Variants in SND1 observed in about 807,000 individuals in gnomAD.
The protein encoded by SND1 is staphylococcal nuclease and tudor domain containing 1, also known as staphylococcal nuclease domain-containing protein 1.
SND1 carries 38 observed loss-of-function variants against 121.7 expected under a neutral mutation model. That is an observed-to-expected ratio of 0.31 (90% CI 0.24 to 0.41). The LOEUF (loss-of-function observed/expected upper bound fraction) is 0.41. Ranked by LOEUF, SND1 falls within the 10% of genes least tolerant of loss-of-function variation. SND1 has a pLI of 1.00. For synonymous variants in SND1, 401 were observed against 447.4 expected, an observed-to-expected ratio of 0.90 and a Z score of 1.31; for missense variants, 868 against 1,184.6, an observed-to-expected ratio of 0.73 and a Z score of 3.92.
intron 16 of SND1, among the ~76,000 whole-genome samples, chr7:128,035,991 G>C (rs1792743098): frequency 6.6e-6 from 1 of 152,080 alleles, no homozygotes; most frequent in Non-Finnish European, 1.5e-5. Flanking sequence ...TAGGCTTTGC[G>C]GACTCTTTTA....
rs1293367094 is a variant in SND1, at chr7:127,686,666, T to G, written c.132T>G (p.Pro44=). 1 of 1,614,064 alleles carries G rather than the reference T, an allele frequency of 6.2e-7. No homozygotes were observed. Among genetic ancestry groups the G allele is most frequent in the Non-Finnish European group, 8.5e-7 (1 of 1,180,030 alleles). Residue 44 remains proline, a synonymous_variant, in exon 2 of 24, where the codon CCT becomes CCG. Coordinates refer to ENST00000354725, the MANE Select transcript of SND1 (RefSeq NM_014390.4). ...IVRGQPRGGP[P]PERQINLSNI... is the part of the protein sequence containing the mutation. ...GAGGTCAGCCTCGTGGTGGGCCTCC[T>G]CCTGAGCGGCAGATCAACCTCAGCA...
chr7:127,857,770 C>T (rs1799308423), intron 12 of SND1: 1 of 649,250 alleles, frequency 1.5e-6, no homozygotes, highest in Non-Finnish European at 2.8e-6. Context: ...CTCCAACTTC[C>T]TCACTGCCTG....
intron 11 of SND1, among the ~76,000 whole-genome samples, chr7:127,839,089 C>T (rs953840916): frequency 1.3e-5 from 2 of 152,190 alleles, no homozygotes; most frequent in Admixed American, 6.5e-5. Flanking sequence ...CCTGGCTGTT[C>T]TGAAGTGTCC....
Position 127,929,307 on chromosome 7 carries a change from C to T in SND1, c.1647C>T (p.Cys549=), listed in dbSNP as rs753357371. ...AACTCTATTTGCCAAAGGAAACTTG[C>T]CTTATCACCTTCTTGCTTGCAGGTA... is the stretch of plus-strand genomic sequence containing the variant. The part of the protein sequence containing the change: ...RLKLYLPKET[C]LITFLLAGIE... The change falls in exon 15 of 24, where the codon TGC becomes TGT. Residue 549 remains cysteine, a synonymous_variant. Transcript: ENST00000354725. 1 of 1,614,034 alleles carries T rather than the reference C, an allele frequency of 6.2e-7. No homozygotes were observed. Among genetic ancestry groups the T allele is most frequent in the East Asian group, 2.2e-5 (1 of 44,874 alleles).
chr7:127,773,435 C>T (rs1797553613), intron 10 of SND1, among the ~76,000 whole-genome samples: 1 of 143,656 alleles, frequency 7.0e-6, no homozygotes, highest in African/African-American at 2.6e-5. Context: ...CTGGGTGACA[C>T]AGCAAGACTC....
intron 9 of SND1, among the ~76,000 whole-genome samples, chr7:127,713,992 T>C (rs1472132058): frequency 6.6e-6 from 1 of 152,058 alleles, no homozygotes; most frequent in Non-Finnish European, 1.5e-5. Context: ...TGTAGCCATA[T>C]GGTCCCCTGA....
chr7:127,732,504 G>T (rs189688264), intron 10 of SND1, among the ~76,000 whole-genome samples: 5 of 152,316 alleles, frequency 3.3e-5, no homozygotes, highest in Non-Finnish European at 7.4e-5. Context: ...GATGCTGCAT[G>T]AGCCTGCAAA....
chr7:127,953,728 C>A (rs1801523629), intron 15 of SND1, among the ~76,000 whole-genome samples: 1 of 152,162 alleles, frequency 6.6e-6, no homozygotes, highest in Admixed American at 6.5e-5. Context: ...CAATCATTTT[C>A]ACTTGGATTT....
At chr7:127,766,763 C>T (rs1797425140) in intron 10 of SND1, among the ~76,000 whole-genome samples, 2 of 33,826 alleles carry the variant, frequency 5.9e-5, no homozygotes, top group Admixed American at 5.4e-4. Flanking sequence ...CAAAGCGAGA[C>T]TTTGTCTCAA....
chr7:127,737,882 A>G (rs1212169649), intron 10 of SND1, among the ~76,000 whole-genome samples: 1 of 152,202 alleles, frequency 6.6e-6, no homozygotes, highest in Non-Finnish European at 1.5e-5. Flanking sequence ...ATACACTTTA[A>G]GGCAAGAGGG....
At chr7:128,058,764 A>G (rs1034057128) in intron 16 of SND1, among the ~76,000 whole-genome samples, 3 of 152,106 alleles carry the variant, frequency 2.0e-5, no homozygotes, top group South Asian at 4.2e-4. Flanking sequence ...ATTTCTTCCC[A>G]TGTCATTCTC....
intron 10 of SND1, among the ~76,000 whole-genome samples, chr7:127,732,836 C>A (rs1796703428): frequency 6.6e-6 from 1 of 152,194 alleles, no homozygotes; most frequent in Non-Finnish European, 1.5e-5. Flanking sequence ...CCTCACTGAT[C>A]ACAGAAACGA....
intron 8 of SND1, among the ~76,000 whole-genome samples, chr7:127,705,533 AT>A (rs1438119624): frequency 6.6e-6 from 1 of 152,194 alleles, no homozygotes; most frequent in Non-Finnish European, 1.5e-5. Context: ...GCATGTAGAA[AT>A]TCCAAATATT....
At chr7:128,002,278 C>T (rs1378507128) in intron 16 of SND1, among the ~76,000 whole-genome samples, 4 of 152,206 alleles carry the variant, frequency 2.6e-5, no homozygotes, top group Non-Finnish European at 4.4e-5. Context: ...TGGCACTTAA[C>T]GGAAACCTAT....
At chr7:127,730,219 G>A (rs188076419) in intron 10 of SND1, among the ~76,000 whole-genome samples, 263 of 152,246 alleles carry the variant, frequency 1.7e-3, no homozygotes, top group African/African-American at 5.9e-3. Flanking sequence ...CACCCGCCCC[G>A]GCTTCCCAAA....
intron 10 of SND1, among the ~76,000 whole-genome samples, chr7:127,792,534 G>A (rs1797929450): frequency 6.6e-6 from 1 of 152,174 alleles, no homozygotes; most frequent in Admixed American, 6.5e-5. Flanking sequence ...AGGGTAGCAT[G>A]GAGGTAATAA....
intron 14 of SND1, among the ~76,000 whole-genome samples, chr7:127,914,937 T>C (rs1800541669): frequency 6.6e-6 from 1 of 152,156 alleles, no homozygotes; most frequent in Non-Finnish European, 1.5e-5. Flanking sequence ...GATTGTGGTG[T>C]GATTGAATGA....
intron 15 of SND1, among the ~76,000 whole-genome samples, chr7:127,954,786 T>C (rs768618434): frequency 6.6e-6 from 1 of 152,026 alleles, no homozygotes; most frequent in Non-Finnish European, 1.5e-5. Flanking sequence ...AAAAGCCAAA[T>C]TGATGGCCTG....
At chr7:128,005,981 A>G (rs1243592223) in intron 16 of SND1, among the ~76,000 whole-genome samples, 1 of 152,194 alleles carries the variant, frequency 6.6e-6, no homozygotes, top group Admixed American at 6.5e-5. Context: ...TGAAAAGTCC[A>G]TGACCCCTGT....
Sources: gnomAD v4.1 joint callset for allele counts (sites outside exome capture counted in the v4.1 genomes callset) on GRCh38, gnomAD v4.1.1 for gene constraint, MANE v1.5 for transcripts, NCBI Gene and HGNC (gene_info 2026-07-23, HGNC 2026-07-21) for gene names.